Variants in ZMIZ1 observed in about 807,000 individuals in gnomAD.
ZMIZ1 encodes zinc finger MIZ domain-containing protein 1.
Under a neutral mutation model 113.9 loss-of-function variants are expected in ZMIZ1, and 17 were observed. The observed-to-expected ratio is 0.15, with a 90% CI of 0.10 to 0.22. The LOEUF is 0.22. Among genes scored for constraint, ZMIZ1 ranks in the 10% least tolerant of loss-of-function variants. The probability of loss-of-function intolerance (pLI) is 1.00; values close to 1 mark genes in which losing one functional copy is unlikely to be tolerated. For synonymous variants in ZMIZ1, 607 were observed against 603.1 expected, an observed-to-expected ratio of 1.01 and a Z score of -0.09; for missense variants, 1,059 against 1,477.8, an observed-to-expected ratio of 0.72 and a Z score of 4.65.
intron 4 of ZMIZ1, among the ~76,000 whole-genome samples, chr10:79,166,074 T>C (rs1846336425): frequency 6.7e-6 from 1 of 149,640 alleles, no homozygotes; most frequent in Non-Finnish European, 1.5e-5. Context: ...TGGCTGTCTG[T>C]CCTCATCTCT....
intron 7 of ZMIZ1, among the ~76,000 whole-genome samples, chr10:79,245,153 G>T (rs1263642059): frequency 6.6e-6 from 1 of 152,170 alleles, no homozygotes; most frequent in Non-Finnish European, 1.5e-5. Context: ...TTTACACCTC[G>T]CTACATAAGG....
intron 14 of ZMIZ1, 59 bp from the exon 15 acceptor site, chr10:79,298,347 C>T (rs1340566137): frequency 1.6e-5 from 25 of 1,557,574 alleles, no homozygotes; most frequent in Admixed American, 9.6e-5. Context: ...TGTCCATAGC[C>T]ATGGCCCCTT....
chr10:79,085,904 G>A (rs994678982), intron 1 of ZMIZ1, among the ~76,000 whole-genome samples: 1 of 152,094 alleles, frequency 6.6e-6, no homozygotes, highest in African/African-American at 2.4e-5. Flanking sequence ...AACCCCTGGG[G>A]CAGCACCGGG....
At chr10:79,091,950 G>A (rs1589260598) in intron 1 of ZMIZ1, among the ~76,000 whole-genome samples, 1 of 152,144 alleles carries the variant, frequency 6.6e-6, no homozygotes, top group African/African-American at 2.4e-5. Context: ...TATTAATTAG[G>A]CAGGTGAGTG....
chr10:79,177,646 G>C, intron 4 of ZMIZ1, among the ~76,000 whole-genome samples: 1 of 152,228 alleles, frequency 6.6e-6, no homozygotes, highest in East Asian at 1.9e-4. Flanking sequence ...TCTTGTGTGT[G>C]GCCCTGGGTG....
intron 7 of ZMIZ1, among the ~76,000 whole-genome samples, chr10:79,246,205 C>G (rs1487630873): frequency 1.3e-5 from 2 of 152,254 alleles, no homozygotes; most frequent in Non-Finnish European, 2.9e-5. Flanking sequence ...AACCCCTTGG[C>G]CAGCACTCTG....
chr10:79,293,200 G>A (rs1005829862), intron 11 of ZMIZ1, among the ~76,000 whole-genome samples, 181 bp from the exon 12 acceptor site: 1 of 137,364 alleles, frequency 7.3e-6, no homozygotes, highest in Non-Finnish European at 1.5e-5. Flanking sequence ...GAGGGCAGCA[G>A]TGAGCCTGGG....
chr10:79,297,584 A>G (rs781391515), intron 13 of ZMIZ1, 29 bp from the exon 14 acceptor site: 1 of 1,602,422 alleles, frequency 6.2e-7, no homozygotes, highest in Non-Finnish European at 8.5e-7. Context: ...TCTGCCCCCC[A>G]CTCAGTGTTG....
chr10:79,101,679 G>C (rs1234782454), intron 1 of ZMIZ1, among the ~76,000 whole-genome samples: 2 of 152,190 alleles, frequency 1.3e-5, no homozygotes, highest in Admixed American at 6.5e-5. Context: ...CCTCCATCTG[G>C]GTGAACCAGG....
chr10:79,245,984 T>C (rs996348671), intron 7 of ZMIZ1, among the ~76,000 whole-genome samples: 1 of 152,140 alleles, frequency 6.6e-6, no homozygotes, highest in African/African-American at 2.4e-5. Context: ...AGAGGTGCAG[T>C]GAGGACACTA....
intron 4 of ZMIZ1, among the ~76,000 whole-genome samples, chr10:79,176,216 C>T (rs949767177): frequency 3.3e-5 from 5 of 152,030 alleles, no homozygotes; most frequent in Non-Finnish European, 5.9e-5. Flanking sequence ...ATATGGCTAG[C>T]GGGGAGAGCT....
At chr10:79,211,789 G>A (rs1021036637) in intron 6 of ZMIZ1, among the ~76,000 whole-genome samples, 2 of 152,210 alleles carry the variant, frequency 1.3e-5, no homozygotes, top group Admixed American at 6.5e-5. Context: ...TCCTCCTCCA[G>A]TAGTCGGGCA....
intron 4 of ZMIZ1, among the ~76,000 whole-genome samples, chr10:79,181,338 G>T (rs539041970): frequency 6.6e-6 from 1 of 152,236 alleles, no homozygotes; most frequent in Admixed American, 6.5e-5. Flanking sequence ...GAGGAGGCTG[G>T]AGGTGAGCGG....
chr10:79,162,431 C>T (rs1237402369), intron 4 of ZMIZ1, among the ~76,000 whole-genome samples: 2 of 152,192 alleles, frequency 1.3e-5, no homozygotes, highest in African/African-American at 2.4e-5. Context: ...GCACAGCAGC[C>T]CTGTCTGCAC....
intron 2 of ZMIZ1, among the ~76,000 whole-genome samples, chr10:79,130,276 GGCTGCCCAGA>G (rs1180548159): frequency 1.3e-5 from 2 of 152,204 alleles, no homozygotes; most frequent in African/African-American, 4.8e-5. Flanking sequence ...AGCTCAGAAA[GGCTGCCCAGA>G]GCTGCCCAGG....
rs756648780 is a variant in ZMIZ1 at position 79,297,589 on chromosome 10, G to C, written c.1414-24G>C. The C allele has an allele frequency of 1.9e-6, 3 of 1,609,334 alleles. No individual in the cohort carries two copies. In the South Asian group the frequency reaches 3.3e-5, roughly 18 times the overall value. On this transcript the variant is annotated intron_variant, in intron 13 of 24. Coordinates refer to ENST00000334512, the MANE Select transcript of ZMIZ1 (RefSeq NM_020338.4). ...TGATGGCTTTTCTGCCCCCCACTCA[G>C]TGTTGTTTATCTTGTTTTAATAGCC...
chr10:79,153,060 G>T (rs1252191031), intron 3 of ZMIZ1, among the ~76,000 whole-genome samples: 3 of 152,234 alleles, frequency 2.0e-5, no homozygotes, highest in Non-Finnish European at 4.4e-5. Flanking sequence ...TCGCTGGACT[G>T]AGGGAACCCC....
chr10:79,300,342 C>T (rs1014751233), intron 16 of ZMIZ1, among the ~76,000 whole-genome samples: 1 of 152,214 alleles, frequency 6.6e-6, no homozygotes, highest in East Asian at 1.9e-4. Context: ...CCTGGGAGGA[C>T]AGCTCCCAGC....
chr10:79,079,936 G>C (rs1842602558), intron 1 of ZMIZ1, among the ~76,000 whole-genome samples: 1 of 152,348 alleles, frequency 6.6e-6, no homozygotes, highest in Admixed American at 6.5e-5. Flanking sequence ...TTCGGGGGCT[G>C]TGGGGACCAC....
Sources: allele counts gnomAD v4.1 joint callset (sites outside exome capture counted in the v4.1 genomes callset), GRCh38; gene constraint gnomAD v4.1.1; transcripts MANE v1.5; gene names NCBI Gene and HGNC (gene_info 2026-07-23, HGNC 2026-07-21).